The following PKIB variants were observed in gnomAD, a reference collection of about 807,000 sequenced individuals.
The protein encoded by PKIB is PKI-beta.
Under a neutral mutation model 4.5 loss-of-function variants are expected in PKIB, and 2 were observed. That is an observed-to-expected ratio of 0.44 (90% CI 0.18 to 1.39). PKIB has a LOEUF of 1.39. Ranked by LOEUF, PKIB falls within the 40% of genes most tolerant of loss-of-function variation. The pLI is 0.27. For synonymous variants in PKIB, 38 were observed against 36.0 expected, an observed-to-expected ratio of 1.06 and a Z score of -0.20; for missense variants, 94 against 92.6, an observed-to-expected ratio of 1.02 and a Z score of -0.06.
intron 2 of PKIB, among the ~76,000 whole-genome samples, chr6:122,570,147 T>C (rs572419574): frequency 2.0e-5 from 3 of 152,128 alleles, no homozygotes; most frequent in East Asian, 1.9e-4. Flanking sequence ...ACTTAGAATA[T>C]CAACATTCTT....
intron 2 of PKIB, among the ~76,000 whole-genome samples, chr6:122,539,877 C>T (rs1330172582): frequency 3.3e-5 from 5 of 152,128 alleles, no homozygotes; most frequent in Admixed American, 2.0e-4. Flanking sequence ...TTGGTCTATT[C>T]AGAGATTCAA....
At position 122,725,148 on chromosome 6, in the gene PKIB, A is replaced by G. The variant is rs774797429; in HGVS notation, c.190A>G (p.Lys64Glu). 1 of 1,610,818 alleles carries G rather than the reference A, an allele frequency of 6.2e-7. No individual in the cohort carries two copies. Among genetic ancestry groups the G allele is most frequent in the Admixed American group, 1.7e-5 (1 of 59,432 alleles). The change falls in exon 5 of 5, where the codon AAA becomes GAA. Residue 64 changes from lysine to glutamate, a missense_variant. Transcript: ENST00000368452. Reference protein sequence around the residue: ...VKEDAKEKDEKTTQDQLEKPQ... With the variant: ...VKEDAKEKDEETTQDQLEKPQ... ...TTCAGATGCAAAAGAGAAAGATGAA[A>G]AAACAACACAAGACCAATTGGAAAA...
At chr6:122,539,760 C>T (rs551338262) in intron 2 of PKIB, among the ~76,000 whole-genome samples, 1 of 151,996 alleles carries the variant, frequency 6.6e-6, no homozygotes, top group Non-Finnish European at 1.5e-5. Context: ...GGAATGGTAC[C>T]AGCTCCTCCT....
At chr6:122,482,407 T>C (rs1775648200) in intron 2 of PKIB, 1 of 152,226 alleles carries the variant, frequency 6.6e-6, no homozygotes, top group African/African-American at 2.4e-5. Flanking sequence ...AGGGCATATA[T>C]AGGACAGCTT....
chr6:122,649,255 G>A (rs934660032), intron 2 of PKIB, among the ~76,000 whole-genome samples: 8 of 152,208 alleles, frequency 5.3e-5, no homozygotes, highest in Non-Finnish European at 7.4e-5. Context: ...AGTCTTGTAC[G>A]TCTGGCCATT....
intron 2 of PKIB, among the ~76,000 whole-genome samples, chr6:122,559,795 T>G (rs1772962815): frequency 6.6e-6 from 1 of 152,130 alleles, no homozygotes; most frequent in African/African-American, 2.4e-5. Flanking sequence ...TTTTATTTTT[T>G]GGCAGCTATT....
intron 3 of PKIB, among the ~76,000 whole-genome samples, chr6:122,716,635 T>TG (rs1779509050): frequency 1.3e-5 from 2 of 152,032 alleles, no homozygotes; most frequent in African/African-American, 4.8e-5. Context: ...ACCAAAAATA[T>TG]TGTTTCTAAT....
intron 1 of PKIB, among the ~76,000 whole-genome samples, chr6:122,473,835 A>G: frequency 6.6e-6 from 1 of 152,232 alleles, no homozygotes; most frequent in East Asian, 1.9e-4. Flanking sequence ...GTACGTTAGT[A>G]AAAAACATTC....
Position 122,539,165 on chromosome 6 carries a change from C to A in PKIB, c.-247-46756C>A, listed in dbSNP as rs190525679. Among the ~76,000 whole-genome samples the A allele has an allele frequency of 4.5e-3, 678 of 152,118 alleles. 14 individuals are homozygous for A. The highest frequency in any genetic ancestry group is 0.016 in the African/African-American group (645 of 41,446). ...GACTTCCTATTTTCCTAACTGAATA[C>A]CCTTTATTTCCTTCTCCTGCCTAAT... On this transcript the variant is annotated intron_variant, in intron 2 of 6. Transcript: ENST00000392491.
At chr6:122,523,738 A>G (rs1476271889) in intron 2 of PKIB, among the ~76,000 whole-genome samples, 1 of 151,940 alleles carries the variant, frequency 6.6e-6, no homozygotes, top group Non-Finnish European at 1.5e-5. Context: ...AGCTGAGATC[A>G]AGCCACTGCA....
At chr6:122,602,114 T>C (rs1774388549) in intron 3 of PKIB, among the ~76,000 whole-genome samples, 1 of 152,124 alleles carries the variant, frequency 6.6e-6, no homozygotes, top group South Asian at 2.1e-4. Context: ...TATTTACTCC[T>C]AGGAATCATA....
chr6:122,667,435 G>A (rs1777271710), intron 2 of PKIB, among the ~76,000 whole-genome samples: 1 of 152,216 alleles, frequency 6.6e-6, no homozygotes, highest in South Asian at 2.1e-4. Context: ...TACTCAGGAG[G>A]CTGAGGCAGG....
In PKIB at chr6:122,640,136, G is replaced by A. The variant is rs1242927675; in HGVS notation, c.-76+6769G>A. Among the ~76,000 whole-genome samples, 3 of 152,072 alleles carry A rather than the reference G, an allele frequency of 2.0e-5. No homozygotes were observed. The East Asian group carries it at 5.8e-4, about 29-fold the overall frequency. On this transcript the variant is annotated intron_variant, in intron 2 of 4. Coordinates refer to ENST00000368452, the MANE Select transcript of PKIB (RefSeq NM_181795.3). The stretch of plus-strand genomic sequence containing the variant: ...AGTGTAAATGAACTAATTCAAAATG[G>A]TTGCTATATAGTGGACACTCAATAG...
intron 2 of PKIB, among the ~76,000 whole-genome samples, chr6:122,552,462 C>T (rs1270068228): frequency 6.6e-6 from 1 of 152,120 alleles, no homozygotes; most frequent in African/African-American, 2.4e-5. Context: ...CTACAACCTC[C>T]ACCCCCTGGG....
rs137948276 is a variant in PKIB, at chr6:122,675,126, A to G, written c.-27A>G. ...TTAAACCTGTCTCAGAAATAACAACATATTTTAATCAGAGATTTGTAAGTA... is the reference window on the plus strand; with the variant it reads ...TTAAACCTGTCTCAGAAATAACAACGTATTTTAATCAGAGATTTGTAAGTA... On this transcript the variant is annotated 5_prime_UTR_variant, in exon 3 of 5. Transcript: ENST00000368452. 1 of 152,692 alleles carries G rather than the reference A, an allele frequency of 6.5e-6. No homozygotes were observed. The highest frequency in any genetic ancestry group is 1.5e-5 in the Non-Finnish European group (1 of 68,018). The allele number at this position is 152,692 out of a possible 1,614,324, so 9.5% of individuals were successfully genotyped here.
At chr6:122,561,992 T>G (rs71571160) in intron 2 of PKIB, among the ~76,000 whole-genome samples, 11,355 of 118,068 alleles carry the variant, frequency 0.096, 913 homozygotes, top group East Asian at 0.15. Context: ...TTGTTTGTTT[T>G]TGTTTTTTTT....
chr6:122,717,432 G>T, intron 3 of PKIB: 1 of 309,870 alleles, frequency 3.2e-6, no homozygotes, highest in African/African-American at 2.1e-5. Context: ...AGTCTCTACA[G>T]GAGTGGTCAA....
intron 2 of PKIB, among the ~76,000 whole-genome samples, chr6:122,506,148 C>A (rs1776389233): frequency 6.6e-6 from 1 of 152,008 alleles, no homozygotes; most frequent in African/African-American, 2.4e-5. Flanking sequence ...AACTGGTATC[C>A]AAACTTTTTT....
At chr6:122,675,713 T>C (rs1349078447) in intron 3 of PKIB, among the ~76,000 whole-genome samples, 1 of 152,202 alleles carries the variant, frequency 6.6e-6, no homozygotes, top group East Asian at 1.9e-4. Flanking sequence ...ACTTTTTCTA[T>C]TTTAATTTAC....
Sources: gnomAD v4.1 joint callset for allele counts (sites outside exome capture counted in the v4.1 genomes callset) on GRCh38, gnomAD v4.1.1 for gene constraint, MANE v1.5 for transcripts, NCBI Gene and HGNC (gene_info 2026-07-23, HGNC 2026-07-21) for gene names.